Variants in KRT77 observed in about 807,000 individuals in gnomAD.
KRT77 encodes keratin 77.
In KRT77, 44 loss-of-function variants were observed where a neutral mutation model predicts 51.5. The observed-to-expected ratio is 0.85, with a 90% CI of 0.67 to 1.10. The LOEUF is 1.10. Among genes scored for constraint, KRT77 ranks in the 50% least tolerant of loss-of-function variants. The probability of loss-of-function intolerance (pLI) is 0.00; values close to 1 mark genes in which losing one functional copy is unlikely to be tolerated. For missense variants in KRT77, 763 were observed against 743.9 expected (o/e 1.03, Z -0.30); for synonymous variants, 293 against 302.0 (o/e 0.97, Z 0.31).
intron 7 of KRT77, 84 bp from the exon 8 acceptor site, chr12:52,692,056 T>C: frequency 1.3e-5 from 18 of 1,438,118 alleles, no homozygotes; most frequent in Non-Finnish European, 1.8e-5. Context: ...GGATCAGAGG[T>C]GTCCCCAAGC....
At chr12:52,698,870 G>A (rs1941841253) in intron 1 of KRT77, among the ~76,000 whole-genome samples, 1 of 152,234 alleles carries the variant, frequency 6.6e-6, no homozygotes, top group Non-Finnish European at 1.5e-5. Context: ...TGGGCACCAT[G>A]TAAAGGGGCA....
At position 52,691,383 on chromosome 12, in the gene KRT77, C is replaced by T. The variant is rs778681418; in HGVS notation, c.1519G>A (p.Gly507Ser). 4.7e-5 allele frequency: 75 copies of T among 1,602,044 alleles called. No individual in the cohort carries two copies. Among genetic ancestry groups the T allele is most frequent in the Admixed American group, 2.0e-4 (12 of 59,380 alleles). ...NGGAGGGGSYGSGGYGGGSGG... is the reference protein window; with the variant it reads ...NGGAGGGGSYSSGGYGGGSGG... ...CTGCCGCCGCCGTAGCCTCCTGAGC[C>T]GTAGCTGCCGCCGCCTCCCGCGCCG... Residue 507 changes from glycine (G) to serine (S), a missense_variant, in exon 9 of 9, where the codon GGC (glycine) becomes AGC (serine). Coordinates refer to ENST00000341809, the MANE Select transcript of KRT77 (RefSeq NM_175078.3).
intron 1 of KRT77, chr12:52,698,115 C>T: frequency 6.8e-7 from 1 of 1,460,132 alleles, no homozygotes; most frequent in African/African-American, 1.4e-5. Context: ...AAAATTGACA[C>T]TAAGCTCACT....
At chr12:52,691,539 C>T (rs1565651639) in intron 8 of KRT77, 100 bp from the exon 9 acceptor site, 3 of 1,368,232 alleles carry the variant, frequency 2.2e-6, no homozygotes, top group Middle Eastern at 2.4e-4. Flanking sequence ...CTCGATCACC[C>T]GTGGCATCGA....
rs1006920225 is a variant in KRT77, at chr12:52,692,943, A to G, written c.1081-63T>C. ...CCCACCACAAGCCCCTCCAGGAGGG[A>G]GTAGGTCTGGGCTGCTCTCCCCTGG... On this transcript the variant is annotated intron_variant, in intron 5 of 8. Coordinates refer to ENST00000341809, the MANE Select transcript of KRT77 (RefSeq NM_175078.3). 2.2e-5 allele frequency: 34 copies of G among 1,572,314 alleles called. No homozygotes were observed. In the Admixed American group the frequency reaches 5.6e-4, roughly 26 times the overall value.
At chr12:52,701,275 G>C (rs534871205) in intron 1 of KRT77, among the ~76,000 whole-genome samples, 1 of 152,208 alleles carries the variant, frequency 6.6e-6, no homozygotes, top group Admixed American at 6.5e-5. Flanking sequence ...TGCCTGAAGC[G>C]TGGTGATACT....
chr12:52,691,582 G>A (rs1475421011), intron 8 of KRT77, 143 bp from the exon 9 acceptor site: 3 of 987,628 alleles, frequency 3.0e-6, no homozygotes, highest in Non-Finnish European at 4.4e-6. Flanking sequence ...AATTGAAAGT[G>A]TTCCTACTTG....
rs1292773791 is a variant in KRT77 at position 52,697,664 on chromosome 12, C to T, written c.758+18G>A. On this transcript the variant is annotated intron_variant, in intron 2 of 8. Coordinates refer to ENST00000341809, the MANE Select transcript of KRT77 (RefSeq NM_175078.3). ...CCGGCCATGCTTCTCCCCTGTTTTG[C>T]CCTGCCTGGAGTCTCACTTGCTCTT... 4 of 1,600,196 alleles carry T rather than the reference C, an allele frequency of 2.5e-6. No homozygotes were observed. The African/African-American group carries it at 4.1e-5, about 16-fold the overall frequency.
In KRT77 at chr12:52,694,761, G is replaced by C; in HGVS notation, c.945C>G (p.Ser315Arg). The part of the protein sequence containing the change: ...TELSQVQTHI[S>R]DTNVILSMDN... Reference sequence around the variant, plus strand: ...CCATGGACAGGATGACGTTGGTGTCGCTGATGTGAGTCTGCACCTGAGACA... The same window carrying C: ...CCATGGACAGGATGACGTTGGTGTCCCTGATGTGAGTCTGCACCTGAGACA... Residue 315 changes from serine to arginine, a missense_variant, in exon 5 of 9, where the codon AGC (serine) becomes AGG (arginine). By Grantham distance (110) the Ser-to-Arg change is moderately radical. Coordinates refer to ENST00000341809, the MANE Select transcript of KRT77 (RefSeq NM_175078.3). 6.2e-7 allele frequency: 1 copy of C among 1,610,620 alleles called. No individual in the cohort carries two copies. The highest frequency in any genetic ancestry group is 1.1e-5 in the South Asian group (1 of 90,676).
At position 52,691,178 on chromosome 12, in the gene KRT77, C is replaced by T. The variant is rs761361009; in HGVS notation, c.1724G>A (p.Arg575Gln). ...GAAACGAGGCCTCTACTCCAAGATC[C>T]GCCTGTGGGAGGTGTTGGTGGAGGT... ...IQTSTNTSHR[R>Q]ILE is the part of the protein sequence containing the mutation. Residue 575 changes from arginine to glutamine, a missense_variant, in exon 9 of 9, where the codon CGG becomes CAG. Coordinates refer to ENST00000341809, the MANE Select transcript of KRT77 (RefSeq NM_175078.3). 3.1e-6 allele frequency: 5 copies of T among 1,614,110 alleles called. No homozygotes were observed. Among genetic ancestry groups the T allele is most frequent in the African/African-American group, 1.3e-5 (1 of 75,048 alleles).
intron 2 of KRT77, among the ~76,000 whole-genome samples, chr12:52,697,198 A>G (rs373584451): frequency 2.0e-5 from 3 of 152,246 alleles, no homozygotes; most frequent in African/African-American, 4.8e-5. Flanking sequence ...ACATGTTAGA[A>G]GTACAAACAC....
chr12:52,695,579 A>T (rs907616962), intron 4 of KRT77, among the ~76,000 whole-genome samples, 193 bp downstream of exon 4: 2 of 152,114 alleles, frequency 1.3e-5, no homozygotes, highest in African/African-American at 4.8e-5. Flanking sequence ...TTCCATCTTC[A>T]TTACCCCGAC....
intron 1 of KRT77, among the ~76,000 whole-genome samples, chr12:52,699,363 A>C (rs1046758992): frequency 2.0e-5 from 3 of 152,202 alleles, no homozygotes; most frequent in East Asian, 1.9e-4. Flanking sequence ...ACCCATCCGC[A>C]ATATCCAGGA....
intron 1 of KRT77, among the ~76,000 whole-genome samples, chr12:52,701,301 C>T (rs928616762): frequency 6.6e-6 from 1 of 152,370 alleles, no homozygotes. Context: ...AAATTTCCCA[C>T]GCAGCATGAT....
At chr12:52,695,113 C>A in intron 4 of KRT77, 1 of 196,844 alleles carries the variant, frequency 5.1e-6, no homozygotes, top group Admixed American at 5.6e-5. Flanking sequence ...TCCTTGAAAC[C>A]ACATGAGTAC....
rs1487797155 is a variant in KRT77, at chr12:52,690,624, G to A, written c.*541C>T. On this transcript the variant is annotated 3_prime_UTR_variant, in exon 9 of 9. Transcript: ENST00000341809. ...CCCAGGTACAGCAAAGGGAGCTTGG[G>A]GTTGAGATACCAACTCTCCATTATG... is the stretch of plus-strand genomic sequence containing the variant. The A allele has an allele frequency of 1.8e-5, 3 of 165,058 alleles. No homozygotes were observed. The highest frequency in any genetic ancestry group is 1.1e-4 in the Admixed American group (2 of 17,912). The allele number at this position is 165,058 out of a possible 1,614,324, so 10.2% of individuals were successfully genotyped here. A position where few individuals can be genotyped will look rare whatever the true frequency, so the allele number is the denominator to read the frequency against.
chr12:52,698,134 G>A (rs1208252059), intron 1 of KRT77: 3 of 1,430,360 alleles, frequency 2.1e-6, no homozygotes, highest in African/African-American at 1.4e-5. Flanking sequence ...CTCTGGTTTT[G>A]AAGGTAAATC....
rs1189930620 is a variant in KRT77 at position 52,692,873 on chromosome 12, T to C, written c.1088A>G (p.Glu363Gly). 2.5e-6 allele frequency: 4 copies of C among 1,603,892 alleles called. 1 individual carries two copies. In the Admixed American group the frequency reaches 6.7e-5, roughly 27 times the overall value. The part of the protein sequence containing the change: ...AEALYQTKYQ[E>G]LQITAGRHGD... ...ATGTCTCCCTGCCGTGATCTGGAGC[T>C]CCTGGTACTGGGGCCAAAGGCAGCA... The change falls in exon 6 of 9, where the codon GAG (glutamate) becomes GGG (glycine). Residue 363 changes from glutamate (E) to glycine (G), a missense_variant. Physicochemically the swap from Glu to Gly is moderately conservative, Grantham distance 98 (BLOSUM62 -2). Coordinates refer to ENST00000341809, the MANE Select transcript of KRT77 (RefSeq NM_175078.3).
At chr12:52,696,535 C>G in intron 2 of KRT77, 105 bp from the exon 3 acceptor site, 1 of 952,760 alleles carries the variant, frequency 1.0e-6, no homozygotes, top group Non-Finnish European at 1.7e-6. Flanking sequence ...CATTTGCTGT[C>G]CTGGGTTCAG....
Sources: allele counts gnomAD v4.1 joint callset (sites outside exome capture counted in the v4.1 genomes callset), GRCh38; gene constraint gnomAD v4.1.1; transcripts MANE v1.5; gene names NCBI Gene and HGNC (gene_info 2026-07-23, HGNC 2026-07-21).